Variants in POLE observed in about 807,000 individuals in gnomAD.
POLE encodes the protein DNA polymerase epsilon, catalytic subunit, also known as DNA polymerase epsilon catalytic subunit A.
In POLE, 188 loss-of-function variants were observed where a neutral mutation model predicts 279.2. The observed-to-expected ratio is 0.67, with a 90% CI of 0.60 to 0.76. POLE has a LOEUF of 0.76. Ranked by LOEUF, POLE falls within the 30% of genes least tolerant of loss-of-function variation. The pLI is 0.00. For missense variants in POLE, 2,703 were observed against 3,016.7 expected (o/e 0.90, Z 2.44); for synonymous variants, 1,214 against 1,172.5 (o/e 1.04, Z -0.72).
chr12:132,637,927 C>A lies in POLE; in HGVS notation c.5678+87G>T, dbSNP rs563706147. 398 of 1,491,552 alleles carry A rather than the reference C, an allele frequency of 2.7e-4. 5 individuals carry two copies. In the South Asian group the frequency reaches 4.4e-3, roughly 17 times the overall value. 92.4% of individuals were successfully genotyped at this position (1,491,552 alleles called of 1,614,324 possible). A position where few individuals can be genotyped will look rare whatever the true frequency, so the allele number is the denominator to read the frequency against. ...CACTTCTAACGACCTCCCAGCCCACCCAGGAGGAGAGCTGGCACCTCAGGG... is the reference window on the plus strand; with the variant it reads ...CACTTCTAACGACCTCCCAGCCCACACAGGAGGAGAGCTGGCACCTCAGGG... On this transcript the variant is annotated intron_variant, in intron 41 of 48. Coordinates refer to ENST00000320574, the MANE Select transcript of POLE (RefSeq NM_006231.4).
Position 132,672,708 on chromosome 12 carries a change from G to C in POLE, c.1605C>G (p.Asp535Glu), listed in dbSNP as rs2042958233. 1.9e-6 allele frequency: 3 copies of C among 1,614,050 alleles called. No homozygotes were observed. Among genetic ancestry groups the C allele is most frequent in the Non-Finnish European group, 2.5e-6 (3 of 1,180,048 alleles). The change falls in exon 15 of 49, where the codon GAC (aspartate) becomes GAG (glutamate). Residue 535 changes from aspartate to glutamate, a missense_variant. By Grantham distance (45) the Asp-to-Glu change is conservative. Around this residue, in one of 5 missense-constraint regions of POLE, gnomAD observed 1,011 missense variants for 1,111.7 expected, o/e 0.91. Transcript: ENST00000320574. ...CGTGGCCCCCGACGTAGGTCTCAGAGTCCAGCACGTGTCCGTCGTCCGTCA... is the reference window on the plus strand; with the variant it reads ...CGTGGCCCCCGACGTAGGTCTCAGACTCCAGCACGTGTCCGTCGTCCGTCA... ...NKLTDDGHVL[D>E]SETYVGGHVE...
Position 132,661,002 on chromosome 12 carries a change from C to A in POLE, c.3027G>T (p.Val1009=), listed in dbSNP as rs1057521358. 2.5e-6 allele frequency: 4 copies of A among 1,613,478 alleles called. No homozygotes were observed. The highest frequency in any genetic ancestry group is 3.4e-6 in the Non-Finnish European group (4 of 1,179,712). Residue 1009 remains valine (V), a synonymous_variant, in exon 25 of 49, where the codon GTG becomes GTT. Transcript: ENST00000320574. This position sits in a 1 kb window ranked among gnomAD's most constrained non-coding sequence, Gnocchi z 4.1. ...ACAGCACGTCCAGCCAGTAGTCAGC[C>A]ACCTTGGCTACAGAGCCATACACCT... ...LEEVYGSVAK[V]ADYWLDVLYS...
rs749755939 is a variant in POLE at position 132,639,287 on chromosome 12, C to T, written c.5390G>A (p.Ser1797Asn). ...CTCCTTCACCCAGCCCACGACCATG[C>T]TCTTCAGGATCCTGAAAGAGAAGGT... ...LCSNTFRILK[S>N]MVVGWVKEIT... The change falls in exon 40 of 49, where the codon AGC becomes AAC. Residue 1797 changes from serine to asparagine, a missense_variant. Physicochemically the swap from Ser to Asn is conservative, Grantham distance 46. This residue lies in a region of POLE where 1,551 missense variants were observed against 1,686.1 expected (regional missense o/e 0.92). Transcript: ENST00000320574. The surrounding 1 kb of genome is among the most constrained non-coding windows in gnomAD (Gnocchi z 4.7). 6.2e-7 allele frequency: 1 copy of T among 1,613,934 alleles called. No individual in the cohort carries two copies. The highest frequency in any genetic ancestry group is 8.5e-7 in the Non-Finnish European group (1 of 1,179,854).
At chr12:132,669,894 C>T (rs2042886349) in intron 16 of POLE, among the ~76,000 whole-genome samples, 1 of 152,146 alleles carries the variant, frequency 6.6e-6, no homozygotes, top group Admixed American at 6.5e-5. Flanking sequence ...CTTGCGAGGA[C>T]TTAGGAATCG....
intron 45 of POLE, 30 bp from the exon 46 acceptor site, chr12:132,626,347 G>C: frequency 6.2e-7 from 1 of 1,606,608 alleles, no homozygotes; most frequent in Non-Finnish European, 8.5e-7. Flanking sequence ...CATCGGGAAG[G>C]AGCTCCCGGG....
rs1271128392 is a variant in POLE at position 132,634,615 on chromosome 12, C to T, written c.5812-237G>A. On this transcript the variant is annotated intron_variant, in intron 42 of 48. Coordinates refer to ENST00000320574, the MANE Select transcript of POLE (RefSeq NM_006231.4). This position sits in a 1 kb window ranked among gnomAD's most constrained non-coding sequence, Gnocchi z 4.0. ...AGTGCTCGTGACCTGGGACTGTGAG[C>T]TTCACTCTGCTCTTCCAGAGTTCAC... 1.3e-5 allele frequency among the ~76,000 whole-genome samples: 2 copies of T among 152,156 alleles called. No homozygotes were observed. The highest frequency in any genetic ancestry group is 3.9e-4 in the East Asian group (2 of 5,186).
chr12:132,669,815 G>A (rs767608679), intron 16 of POLE, among the ~76,000 whole-genome samples: 1 of 152,214 alleles, frequency 6.6e-6, no homozygotes, highest in Non-Finnish European at 1.5e-5. Flanking sequence ...CATCCCCCCA[G>A]CCACCCTCCG....
intron 32 of POLE, 142 bp downstream of exon 32, chr12:132,648,787 G>T: frequency 1.1e-6 from 1 of 884,832 alleles, no homozygotes; most frequent in Non-Finnish European, 1.7e-6. Context: ...GGTGCTCAGC[G>T]CTCACACACG....
chr12:132,683,334 G>C (rs4128449), intron 1 of POLE, among the ~76,000 whole-genome samples: 70,532 of 151,932 alleles, frequency 0.46, 17,676 homozygotes, highest in Non-Finnish European at 0.57. Context: ...GAGAGGGTAG[G>C]GGGGAGAGGA....
chr12:132,630,416 CAA>C (rs2041914089), intron 45 of POLE, among the ~76,000 whole-genome samples: 2 of 152,098 alleles, frequency 1.3e-5, no homozygotes, highest in South Asian at 4.1e-4. Context: ...AAAACTTCAC[CAA>C]AGAGGACAGA....
At position 132,643,688 on chromosome 12, in the gene POLE, G is replaced by A. The variant is rs1016350918; in HGVS notation, c.4291-128C>T. 3.4e-6 allele frequency: 5 copies of A among 1,471,152 alleles called. No individual in the cohort carries two copies. The African/African-American group carries it at 4.2e-5, about 12-fold the overall frequency. 91.1% of individuals were successfully genotyped at this position (1,471,152 alleles called of 1,614,324 possible). Reference sequence around the variant, plus strand: ...GGCCCACTGCCCAAAGGCCACTTTTGGCAGACACACTGCTGACATTCACCT... The same window carrying A: ...GGCCCACTGCCCAAAGGCCACTTTTAGCAGACACACTGCTGACATTCACCT... On this transcript the variant is annotated intron_variant, in intron 33 of 48. Coordinates refer to ENST00000320574, the MANE Select transcript of POLE (RefSeq NM_006231.4).
chr12:132,642,046 C>A, intron 38 of POLE, 131 bp downstream of exon 38: 2 of 976,202 alleles, frequency 2.0e-6, no homozygotes, highest in African/African-American at 3.2e-5. Flanking sequence ...AGGACCGTCT[C>A]CTGCAGCCTC....
chr12:132,640,281 T>C (rs2042116061), intron 39 of POLE, among the ~76,000 whole-genome samples: 1 of 152,154 alleles, frequency 6.6e-6, no homozygotes, highest in Admixed American at 6.5e-5. Flanking sequence ...GGAACACATC[T>C]TTGCACTTGT....
chr12:132,631,075 T>A (rs1430613995), intron 45 of POLE, among the ~76,000 whole-genome samples: 1 of 152,174 alleles, frequency 6.6e-6, no homozygotes, highest in South Asian at 2.1e-4. Flanking sequence ...CACCAGTGAA[T>A]GAAAAGCAAG....
rs956494512 is a variant in POLE at position 132,675,251 on chromosome 12, G to T, written c.1226+147C>A. ...GCACATCCCGGGCCCTGGCAGGGTT[G>T]CAGCTGCCATACTCTTGGGTGACCT... On this transcript the variant is annotated intron_variant, in intron 12 of 48. Coordinates refer to ENST00000320574, the MANE Select transcript of POLE (RefSeq NM_006231.4). This position sits in a 1 kb window ranked among gnomAD's most constrained non-coding sequence, Gnocchi z 4.3. 2.2e-6 allele frequency: 2 copies of T among 925,084 alleles called. No homozygotes were observed. The highest frequency in any genetic ancestry group is 1.7e-5 in the African/African-American group (1 of 59,940). The allele number at this position is 925,084 out of a possible 1,614,324, so 57.3% of individuals were successfully genotyped here. A position where few individuals can be genotyped will look rare whatever the true frequency, so the allele number is the denominator to read the frequency against.
rs776534749 is a variant in POLE at position 132,643,481 on chromosome 12, C to A, written c.4370G>T (p.Gly1457Val). ...VNKQLVRHLS[G>V]WEAETFALEH... is the part of the protein sequence containing the mutation. Reference sequence around the variant, plus strand: ...AAGAGCAAAGGTCTCTGCTTCCCAGCCTGAAAGGTGCCTCACCAGCTGTTT... The same window carrying A: ...AAGAGCAAAGGTCTCTGCTTCCCAGACTGAAAGGTGCCTCACCAGCTGTTT... Residue 1457 changes from glycine (G) to valine (V), a missense_variant, in exon 34 of 49, where the codon GGC (glycine) becomes GTC (valine). Transcript: ENST00000320574. 60 of 1,614,220 alleles carry A rather than the reference C, an allele frequency of 3.7e-5. 1 individual carries two copies. In the Admixed American group the frequency reaches 7.0e-4, roughly 19 times the overall value.
At chr12:132,672,353 G>A (rs759528505) in intron 15 of POLE, 31 bp from the exon 16 acceptor site, 2 of 1,548,058 alleles carry the variant, frequency 1.3e-6, no homozygotes, top group Non-Finnish European at 8.9e-7. Flanking sequence ...CGGGGTCAGA[G>A]GGGAAACACA....
rs532175815 is a variant in POLE, at chr12:132,634,277, G to C, written c.5913C>G (p.Asn1971Lys). 5 of 1,614,176 alleles carry C rather than the reference G, an allele frequency of 3.1e-6. No homozygotes were observed. The highest frequency in any genetic ancestry group is 4.2e-6 in the Non-Finnish European group (5 of 1,180,012). The change falls in exon 43 of 49, where the codon AAC (asparagine) becomes AAG (lysine). Residue 1971 changes from asparagine to lysine, a missense_variant. Transcript: ENST00000320574. The surrounding 1 kb of genome is among the most constrained non-coding windows in gnomAD (Gnocchi z 4.0). ...GEEEEEAEES[N>K]VEDLLENNWN... is the part of the protein sequence containing the mutation. ...AGTTGTTTTCCAGTAAATCCTCCAC[G>C]TTGGATTCCTCCGCCTCTTCCTCCT...
At chr12:132,631,514 G>A (rs539797019) in intron 45 of POLE, among the ~76,000 whole-genome samples, 1 of 152,330 alleles carries the variant, frequency 6.6e-6, no homozygotes, top group South Asian at 2.1e-4. Context: ...ACCAGACCTT[G>A]AGGCTGTCAC....
Sources: allele counts gnomAD v4.1 joint callset (sites outside exome capture counted in the v4.1 genomes callset), GRCh38; gene constraint gnomAD v4.1.1; regional missense constraint gnomAD v4.1.1; non-coding constraint Gnocchi (gnomAD v3.1); transcripts MANE v1.5; gene names NCBI Gene and HGNC (gene_info 2026-07-23, HGNC 2026-07-21).